The following AMBRA1 variants were observed in gnomAD, a reference collection of about 807,000 sequenced individuals.
AMBRA1 encodes the protein activating molecule in BECN1-regulated autophagy protein 1.
A neutral mutation model predicts 125.4 loss-of-function variants in AMBRA1; 47 were observed. The ratio of observed to expected loss-of-function variants is 0.37; its 90% CI spans 0.30 to 0.48. The LOEUF is 0.48. AMBRA1 is among the 20% of genes least tolerant of loss of function. The probability of loss-of-function intolerance (pLI) is 0.99; values close to 1 mark genes in which losing one functional copy is unlikely to be tolerated. For synonymous variants in AMBRA1, 626 were observed against 655.5 expected (o/e 0.95, Z 0.69); for missense variants, 1,331 against 1,693.4 (o/e 0.79, Z 3.76).
chr11:46,428,701 G>C, intron 14 of AMBRA1: 2 of 1,605,072 alleles, frequency 1.2e-6, no homozygotes, highest in South Asian at 2.2e-5. Flanking sequence ...CTCTAAACTG[G>C]AATTCGGTTG....
intron 11 of AMBRA1, among the ~76,000 whole-genome samples, chr11:46,455,392 G>A (rs757633890): frequency 1.3e-5 from 2 of 152,118 alleles, no homozygotes; most frequent in Non-Finnish European, 2.9e-5. Flanking sequence ...GACTACTTTA[G>A]TTAGCCTCAT....
chr11:46,397,825 G>A lies in AMBRA1; in HGVS notation c.3522C>T (p.Ser1174=), dbSNP rs1945531391. 4 of 1,604,746 alleles carry A rather than the reference G, an allele frequency of 2.5e-6. No homozygotes were observed. The highest frequency in any genetic ancestry group is 3.4e-6 in the Non-Finnish European group (4 of 1,179,978). ...TGATGTTGTTGCCGAAGCCGCCCAT[G>A]GAGGCCATGGTGGTGCTCTGCTCCC... The part of the protein sequence containing the change: ...VQREQSTTMA[S]MGGFGNNIIV... Residue 1174 remains serine (S), a synonymous_variant, in exon 18 of 18, where the codon TCC becomes TCT. Transcript: ENST00000683756.
chr11:46,399,230 C>A (rs1464948514), intron 17 of AMBRA1, among the ~76,000 whole-genome samples: 1 of 151,928 alleles, frequency 6.6e-6, no homozygotes, highest in African/African-American at 2.4e-5. Context: ...CCCGCCACCA[C>A]ACCCAGCTAA....
intron 17 of AMBRA1, among the ~76,000 whole-genome samples, chr11:46,401,567 C>A (rs1945761411): frequency 6.6e-6 from 1 of 152,206 alleles, no homozygotes; most frequent in African/African-American, 2.4e-5. Flanking sequence ...AGGGGCAGAA[C>A]AGGCTGCCTT....
intron 11 of AMBRA1, chr11:46,491,260 G>A (rs577243693): frequency 6.6e-5 from 10 of 152,298 alleles, no homozygotes; most frequent in Admixed American, 2.0e-4. Flanking sequence ...AAACAACTAC[G>A]AGGAGGCGGA....
intron 12 of AMBRA1, among the ~76,000 whole-genome samples, chr11:46,437,853 C>T (rs1947803407): frequency 6.6e-6 from 1 of 152,124 alleles, no homozygotes; most frequent in Non-Finnish European, 1.5e-5. Context: ...GCCGAAGACA[C>T]CGGCTATAGC....
rs187722443 is a variant in AMBRA1, at chr11:46,417,212, C to G, written c.3116+701G>C. ...GACTACAGGCACGTGCCACTATGCC[C>G]GGCTAATTTTTTGTATTTTAGTAGA... On this transcript the variant is annotated intron_variant, in intron 15 of 17. Coordinates refer to ENST00000683756, the MANE Select transcript of AMBRA1 (RefSeq NM_001387011.1). Among the ~76,000 whole-genome samples, 4 of 152,136 alleles carry G rather than the reference C, an allele frequency of 2.6e-5. 1 individual carries two copies. In the South Asian group the frequency reaches 8.3e-4, roughly 32 times the overall value.
intron 1 of AMBRA1, among the ~76,000 whole-genome samples, chr11:46,588,253 A>G (rs910831234): frequency 2.6e-5 from 4 of 152,106 alleles, no homozygotes; most frequent in African/African-American, 7.2e-5. Flanking sequence ...AATCACTTGA[A>G]CCTGGGAGGC....
At chr11:46,450,085 C>T (rs1948505521) in intron 11 of AMBRA1, among the ~76,000 whole-genome samples, 1 of 151,444 alleles carries the variant, frequency 6.6e-6, no homozygotes, top group South Asian at 2.1e-4. Context: ...AACTAATGTC[C>T]ACACAAACAC....
intron 7 of AMBRA1, among the ~76,000 whole-genome samples, chr11:46,536,408 A>G (rs1310019513): frequency 6.6e-6 from 1 of 152,230 alleles, no homozygotes; most frequent in Non-Finnish European, 1.5e-5. Flanking sequence ...TTCCCAAGGG[A>G]CACGGTGACA....
At chr11:46,405,358 C>A (rs1945956774) in intron 17 of AMBRA1, among the ~76,000 whole-genome samples, 1 of 152,294 alleles carries the variant, frequency 6.6e-6, no homozygotes, top group East Asian at 1.9e-4. Flanking sequence ...GACAGAGAGG[C>A]CTACTTGTCT....
intron 1 of AMBRA1, among the ~76,000 whole-genome samples, chr11:46,584,292 A>C (rs1215383638): frequency 6.8e-6 from 1 of 146,878 alleles, no homozygotes; most frequent in African/African-American, 2.5e-5. Flanking sequence ...CAAACACCGC[A>C]TGTTCTCACT....
intron 14 of AMBRA1, among the ~76,000 whole-genome samples, chr11:46,424,282 C>T (rs1410661959): frequency 6.6e-6 from 1 of 151,782 alleles, no homozygotes; most frequent in African/African-American, 2.4e-5. Context: ...AATTTGTTGC[C>T]CTTTGTTACT....
intron 1 of AMBRA1, among the ~76,000 whole-genome samples, chr11:46,575,512 C>CTTTTTTT (rs775796043): frequency 1.0e-5 from 1 of 100,412 alleles, no homozygotes; most frequent in Non-Finnish European, 2.0e-5. Context: ...TTTTTCTTTC[C>CTTTTTTT]TTTTTTTTTT....
chr11:46,421,698 A>G (rs1946856315), intron 14 of AMBRA1, among the ~76,000 whole-genome samples: 1 of 152,162 alleles, frequency 6.6e-6, no homozygotes, highest in African/African-American at 2.4e-5. Flanking sequence ...CTGAAGGGAA[A>G]TACCTCTCAC....
At chr11:46,559,081 C>T (rs567851871) in intron 1 of AMBRA1, among the ~76,000 whole-genome samples, 46 of 152,214 alleles carry the variant, frequency 3.0e-4, no homozygotes, top group African/African-American at 1.1e-3. Flanking sequence ...GGGTGGATCA[C>T]CTGAGGTCAG....
chr11:46,516,674 C>A (rs927060855), intron 7 of AMBRA1, among the ~76,000 whole-genome samples: 1 of 151,996 alleles, frequency 6.6e-6, no homozygotes, highest in Admixed American at 6.6e-5. Context: ...ACCTCATGAT[C>A]CGCCCACCTC....
chr11:46,491,319 C>G (rs1950452442), intron 11 of AMBRA1: 1 of 152,198 alleles, frequency 6.6e-6, no homozygotes, highest in African/African-American at 2.4e-5. Context: ...TACTTCTTAG[C>G]TGCATTACTC....
intron 1 of AMBRA1, among the ~76,000 whole-genome samples, chr11:46,567,762 A>G (rs1565305993): frequency 6.6e-6 from 1 of 152,196 alleles, no homozygotes; most frequent in Non-Finnish European, 1.5e-5. Flanking sequence ...GACTCAGTAC[A>G]TAAGGACCAT....
Sources: gnomAD v4.1 joint callset for allele counts (sites outside exome capture counted in the v4.1 genomes callset) on GRCh38, gnomAD v4.1.1 for gene constraint, MANE v1.5 for transcripts, NCBI Gene and HGNC (gene_info 2026-07-23, HGNC 2026-07-21) for gene names.